Variants in KAZN observed in about 807,000 individuals in gnomAD.
KAZN encodes the protein kazrin, periplakin interacting protein.
A neutral mutation model predicts 87.4 loss-of-function variants in KAZN; 40 were observed. The observed-to-expected ratio is 0.46, with a 90% CI of 0.36 to 0.60. KAZN has a LOEUF of 0.60. Ranked by LOEUF, KAZN falls within the 20% of genes least tolerant of loss-of-function variation. KAZN has a pLI of 0.00. For missense variants in KAZN, 898 were observed against 1,073.9 expected (o/e 0.84, Z 2.29); for synonymous variants, 466 against 458.3 (o/e 1.02, Z -0.22).
At chr1:13,911,231 T>C (rs1373652667) in intron 1 of KAZN, among the ~76,000 whole-genome samples, 1 of 152,190 alleles carries the variant, frequency 6.6e-6, no homozygotes, top group Non-Finnish European at 1.5e-5. Context: ...GTATTTATGG[T>C]AGAGACGGTG....
chr1:13,956,166 C>T (rs558596366), intron 1 of KAZN, among the ~76,000 whole-genome samples: 12 of 152,224 alleles, frequency 7.9e-5, no homozygotes, highest in Non-Finnish European at 1.6e-4. Context: ...ATCATTATTA[C>T]ATTCCCTTGC....
chr1:14,691,045 G>T lies in KAZN; in HGVS notation c.226+91822G>T, dbSNP rs568576474. 5.9e-5 allele frequency among the ~76,000 whole-genome samples: 9 copies of T among 152,198 alleles called. No individual in the cohort carries two copies. In the South Asian group the frequency reaches 1.9e-3, roughly 32 times the overall value. On this transcript the variant is annotated intron_variant, in intron 1 of 14. Transcript: ENST00000376030. ...AGAGATAATTATGTGGCAATTAAAG[G>T]CAAATGTATACTTTTTCAGTCATGA... is the stretch of plus-strand genomic sequence containing the variant.
chr1:14,637,578 C>G (rs1333872077), intron 1 of KAZN, among the ~76,000 whole-genome samples: 5 of 152,060 alleles, frequency 3.3e-5, no homozygotes, highest in Non-Finnish European at 7.3e-5. Flanking sequence ...TCGTCTGGTT[C>G]CAGCTACCAA....
chr1:14,016,927 G>A (rs781078420), intron 1 of KAZN, among the ~76,000 whole-genome samples: 2 of 152,184 alleles, frequency 1.3e-5, no homozygotes, highest in East Asian at 1.9e-4. Context: ...TTCAGGAGCA[G>A]TTACCATGAA....
At chr1:14,150,197 T>C (rs1326024281) in intron 1 of KAZN, among the ~76,000 whole-genome samples, 2 of 152,214 alleles carry the variant, frequency 1.3e-5, no homozygotes, top group Non-Finnish European at 2.9e-5. Context: ...TGACTTTTTC[T>C]CTAGAGTGAT....
At chr1:14,533,173 T>TCCTTAATAATA (rs1672307145) in intron 2 of KAZN, among the ~76,000 whole-genome samples, 1 of 152,160 alleles carries the variant, frequency 6.6e-6, no homozygotes, top group Admixed American at 6.6e-5. Flanking sequence ...CTTCGTAGAA[T>TCCTTAATAATA]CCTTAATAAT....
intron 2 of KAZN, among the ~76,000 whole-genome samples, chr1:14,478,342 G>A (rs2148385778): frequency 6.6e-6 from 1 of 152,116 alleles, no homozygotes. Flanking sequence ...AGGAAGAAAG[G>A]ATGACAAGTG....
At chr1:14,120,111 T>C (rs1042609030) in intron 1 of KAZN, among the ~76,000 whole-genome samples, 9 of 152,184 alleles carry the variant, frequency 5.9e-5, no homozygotes, top group Non-Finnish European at 1.0e-4. Context: ...TGACACTGGG[T>C]AATTTACATA....
At chr1:14,473,641 A>AG (rs1668569982) in intron 2 of KAZN, among the ~76,000 whole-genome samples, 1 of 148,052 alleles carries the variant, frequency 6.8e-6, no homozygotes, top group South Asian at 2.1e-4. Flanking sequence ...CTGTCTCAAA[A>AG]AAAAAAAAAA....
At chr1:13,985,399 C>T (rs1455574062) in intron 1 of KAZN, among the ~76,000 whole-genome samples, 1 of 151,400 alleles carries the variant, frequency 6.6e-6, no homozygotes. Context: ...AGTTCATGTC[C>T]TTTGTAGGGA....
intron 2 of KAZN, among the ~76,000 whole-genome samples, chr1:14,302,777 T>A (rs1196094481): frequency 6.6e-6 from 1 of 152,200 alleles, no homozygotes. Flanking sequence ...GTCATAAATC[T>A]ATAGAAACCA....
At chr1:14,129,426 A>C (rs901695911) in intron 1 of KAZN, among the ~76,000 whole-genome samples, 1 of 152,186 alleles carries the variant, frequency 6.6e-6, no homozygotes, top group African/African-American at 2.4e-5. Flanking sequence ...TATTCCTTCA[A>C]GCATCAGGCC....
intron 1 of KAZN, among the ~76,000 whole-genome samples, chr1:14,774,031 A>C (rs1456139453): frequency 6.6e-6 from 1 of 152,210 alleles, no homozygotes; most frequent in Non-Finnish European, 1.5e-5. Flanking sequence ...TCAACTCTGC[A>C]TTAAGTCATC....
intron 2 of KAZN, among the ~76,000 whole-genome samples, chr1:14,261,564 C>T (rs769831023): frequency 3.3e-5 from 5 of 152,206 alleles, no homozygotes; most frequent in South Asian, 4.2e-4. Context: ...CATTCTCCAC[C>T]GACGAGGCAC....
At chr1:14,145,665 C>T (rs2101781729) in intron 1 of KAZN, among the ~76,000 whole-genome samples, 1 of 152,100 alleles carries the variant, frequency 6.6e-6, no homozygotes, top group African/African-American at 2.4e-5. Context: ...ATTGCAACCT[C>T]TGTCTCCCAG....
At chr1:14,402,607 A>G (rs1051240165) in intron 2 of KAZN, among the ~76,000 whole-genome samples, 2 of 152,332 alleles carry the variant, frequency 1.3e-5, no homozygotes, top group Admixed American at 6.5e-5. Context: ...TCCTGACAAA[A>G]TATTTTTAAA....
At chr1:14,568,362 G>A (rs1396672884) in intron 2 of KAZN, among the ~76,000 whole-genome samples, 1 of 152,144 alleles carries the variant, frequency 6.6e-6, no homozygotes, top group Non-Finnish European at 1.5e-5. Flanking sequence ...CCGCTTTCAT[G>A]CTGCTGATAA....
intron 1 of KAZN, among the ~76,000 whole-genome samples, chr1:14,683,303 T>C (rs1640778070): frequency 6.6e-6 from 1 of 152,200 alleles, no homozygotes; most frequent in African/African-American, 2.4e-5. Context: ...ATTTGAGAGT[T>C]ACAGCCTGTC....
At chr1:14,362,918 A>C (rs1276053039) in intron 2 of KAZN, among the ~76,000 whole-genome samples, 1 of 152,174 alleles carries the variant, frequency 6.6e-6, no homozygotes, top group Non-Finnish European at 1.5e-5. Flanking sequence ...TGAGGCAGGA[A>C]GGGGGCTCAG....
Sources: gnomAD v4.1 joint callset for allele counts (sites outside exome capture counted in the v4.1 genomes callset) on GRCh38, gnomAD v4.1.1 for gene constraint, MANE v1.5 for transcripts, NCBI Gene and HGNC (gene_info 2026-07-23, HGNC 2026-07-21) for gene names.